SLC5A10: variants seen among roughly 807,000 people sequenced by gnomAD.
SLC5A10 encodes the protein solute carrier family 5 member 10.
In SLC5A10, 55 loss-of-function variants were observed where a neutral mutation model predicts 68.9. The observed-to-expected ratio is 0.80, with a 90% CI of 0.64 to 1.00. The LOEUF (loss-of-function observed/expected upper bound fraction) is 1.00, where lower values mean the gene tolerates loss of function less well. Ranked by LOEUF, SLC5A10 falls within the 50% of genes least tolerant of loss-of-function variation. The probability of loss-of-function intolerance (pLI) is 0.00; values close to 1 mark genes in which losing one functional copy is unlikely to be tolerated. For synonymous variants in SLC5A10, 344 were observed against 344.8 expected (o/e 1.00, Z 0.02); for missense variants, 732 against 819.3 (o/e 0.89, Z 1.30).
chr17:18,956,475 T>TG, intron 1 of SLC5A10, among the ~76,000 whole-genome samples: 1 of 144,844 alleles, frequency 6.9e-6, no homozygotes, highest in African/African-American at 2.5e-5. Context: ...GTTTTTTTTT[T>TG]TTTTTTTTTT....
At chr17:18,955,432 A>T (rs968491410) in intron 1 of SLC5A10, among the ~76,000 whole-genome samples, 1 of 152,198 alleles carries the variant, frequency 6.6e-6, no homozygotes, top group Non-Finnish European at 1.5e-5. Context: ...CTCCACACAG[A>T]TCAAGAAGTT....
rs148178887 is a variant in SLC5A10 at position 18,959,238 on chromosome 17, A to T, written c.287A>T (p.Asn96Ile). The T allele has an allele frequency of 3.1e-3, 4,940 of 1,613,052 alleles. 11 individuals are homozygous for T. Among genetic ancestry groups the T allele is most frequent in the Middle Eastern group, 0.011 (66 of 5,836 alleles). ...GGLAVAGFEW[N>I]ATYVLLALAW... The stretch of plus-strand genomic sequence containing the variant: ...CTGGCCGTGGCAGGCTTCGAGTGGA[A>T]TGTGAGTCCTGGAGGACTGGCGGCC... Residue 96 changes from asparagine (N) to isoleucine (I), a missense_variant and splice_region_variant, in exon 3 of 15, where the codon AAT (asparagine) becomes ATT (isoleucine). Coordinates refer to ENST00000395645, the MANE Select transcript of SLC5A10 (RefSeq NM_001042450.4).
intron 9 of SLC5A10, among the ~76,000 whole-genome samples, chr17:19,010,017 G>A (rs933865845): frequency 2.6e-5 from 4 of 152,180 alleles, no homozygotes; most frequent in Admixed American, 2.6e-4. Flanking sequence ...AGAAGTCTGG[G>A]TGAAATTAGT....
At chr17:18,986,641 G>T (rs1228129658) in intron 9 of SLC5A10, among the ~76,000 whole-genome samples, 1 of 152,230 alleles carries the variant, frequency 6.6e-6, no homozygotes, top group South Asian at 2.1e-4. Flanking sequence ...GGGCTTCTCT[G>T]CTGAGAAGGG....
At chr17:19,008,505 T>A (rs2152147574) in intron 9 of SLC5A10, among the ~76,000 whole-genome samples, 1 of 151,744 alleles carries the variant, frequency 6.6e-6, no homozygotes, top group Admixed American at 6.6e-5. Flanking sequence ...TCACAGATTT[T>A]TTTTTTTTTT....
At chr17:18,987,450 G>A (rs1437909837) in intron 9 of SLC5A10, among the ~76,000 whole-genome samples, 1 of 152,226 alleles carries the variant, frequency 6.6e-6, no homozygotes, top group African/African-American at 2.4e-5. Flanking sequence ...TCAGGGAAAT[G>A]CTCTGCACGC....
chr17:19,018,524 C>T lies in SLC5A10; in HGVS notation c.1242-899C>T, dbSNP rs1053366875. ...TGGGCAGGCACCAGGTCCCACTCAT[C>T]GCCGAGTTGGGGATCCTAGGGTAGT... On this transcript the variant is annotated intron_variant, in intron 11 of 14. Coordinates refer to ENST00000395645, the MANE Select transcript of SLC5A10 (RefSeq NM_001042450.4). This position sits in a 1 kb window ranked among gnomAD's most constrained non-coding sequence, Gnocchi z 4.2. 4 of 152,336 alleles carry T rather than the reference C, an allele frequency of 2.6e-5. No individual in the cohort carries two copies. Among genetic ancestry groups the T allele is most frequent in the Non-Finnish European group, 5.9e-5 (4 of 68,104 alleles). The allele number at this position is 152,336 out of a possible 1,614,324, so 9.4% of individuals were successfully genotyped here.
chr17:19,021,190 G>A lies in SLC5A10; in HGVS notation c.*759G>A, dbSNP rs1285530620. On this transcript the variant is annotated 3_prime_UTR_variant, in exon 15 of 15. Coordinates refer to ENST00000395645, the MANE Select transcript of SLC5A10 (RefSeq NM_001042450.4). This position sits in a 1 kb window ranked among gnomAD's most constrained non-coding sequence, Gnocchi z 4.1. ...TTCTCAGCCTCCTGAGAGCTCTGCTGGGCCCCGGTCTGGGCAGAACCTGGG... is the reference window on the plus strand; with the variant it reads ...TTCTCAGCCTCCTGAGAGCTCTGCTAGGCCCCGGTCTGGGCAGAACCTGGG... The A allele has an allele frequency of 6.6e-6, 1 of 152,334 alleles. No individual in the cohort carries two copies. The highest frequency in any genetic ancestry group is 1.5e-5 in the Non-Finnish European group (1 of 68,128). 9.4% of individuals were successfully genotyped at this position (152,334 alleles called of 1,614,324 possible). A position where few individuals can be genotyped will look rare whatever the true frequency, so the allele number is the denominator to read the frequency against.
At chr17:19,020,009 T>C in intron 13 of SLC5A10, 81 bp downstream of exon 13, 1 of 1,474,722 alleles carries the variant, frequency 6.8e-7, no homozygotes, top group Non-Finnish European at 9.3e-7. Flanking sequence ...CCACTCTGAC[T>C]CAGAATTTTC....
At chr17:18,964,525 G>T (rs966801749) in intron 5 of SLC5A10, among the ~76,000 whole-genome samples, 2 of 152,238 alleles carry the variant, frequency 1.3e-5, no homozygotes, top group Non-Finnish European at 2.9e-5. Context: ...TAGACAGGGG[G>T]TAAGGAAACA....
At chr17:18,984,138 C>A (rs1029826626) in intron 9 of SLC5A10, among the ~76,000 whole-genome samples, 3 of 151,972 alleles carry the variant, frequency 2.0e-5, no homozygotes, top group African/African-American at 7.3e-5. Context: ...GTCAGCAGAT[C>A]GAGACCATCC....
intron 9 of SLC5A10, among the ~76,000 whole-genome samples, chr17:19,010,746 G>T (rs1316941890): frequency 6.6e-6 from 1 of 152,206 alleles, no homozygotes; most frequent in Non-Finnish European, 1.5e-5. Flanking sequence ...GAGCCCATCA[G>T]CAGTGGCTCA....
Position 18,968,702 on chromosome 17 carries a change from A to C in SLC5A10, c.454-350A>C. 1 of 265,670 alleles carries C rather than the reference A, an allele frequency of 3.8e-6. No individual in the cohort carries two copies. Among genetic ancestry groups the C allele is most frequent in the South Asian group, 7.1e-5 (1 of 14,142 alleles). 16.5% of individuals were successfully genotyped at this position (265,670 alleles called of 1,614,324 possible). A position where few individuals can be genotyped will look rare whatever the true frequency, so the allele number is the denominator to read the frequency against. ...ACTGGTCTTCACAGACTCCTCACAA[A>C]CTCATCAAGGTGCCCCTGGGAACCG... is the stretch of plus-strand genomic sequence containing the variant. On this transcript the variant is annotated intron_variant, in intron 5 of 14. Coordinates refer to ENST00000395645, the MANE Select transcript of SLC5A10 (RefSeq NM_001042450.4). This position sits in a 1 kb window ranked among gnomAD's most constrained non-coding sequence, Gnocchi z 4.1.
intron 5 of SLC5A10, among the ~76,000 whole-genome samples, chr17:18,966,982 T>G (rs968708967): frequency 2.0e-5 from 3 of 151,990 alleles, no homozygotes; most frequent in African/African-American, 7.2e-5. Context: ...GGGGATGAAG[T>G]GGCCTGCTCA....
chr17:18,950,705 T>A (rs968455705), upstream of SLC5A10: 22 of 985,278 alleles, frequency 2.2e-5, no homozygotes, highest in Non-Finnish European at 2.7e-5. Context: ...CTATTAATTG[T>A]TTTTTGTTGT....
Position 19,003,017 on chromosome 17 carries a change from G to C in SLC5A10, c.983-10393G>C, listed in dbSNP as rs896880420. ...GAGGGTGTGCAATCTGCTCCCAGTTGCTCAGCACAGCTAGGAAACAGGCAG... is the reference window on the plus strand; with the variant it reads ...GAGGGTGTGCAATCTGCTCCCAGTTCCTCAGCACAGCTAGGAAACAGGCAG... On this transcript the variant is annotated intron_variant, in intron 9 of 14. Transcript: ENST00000395645. The surrounding 1 kb of genome is among the most constrained non-coding windows in gnomAD (Gnocchi z 4.5). Among the ~76,000 whole-genome samples the C allele has an allele frequency of 6.6e-5, 10 of 152,226 alleles. No homozygotes were observed. The highest frequency in any genetic ancestry group is 3.4e-3 in the Middle Eastern group (1 of 294).
At chr17:19,014,566 C>A (rs569788428) in intron 10 of SLC5A10, among the ~76,000 whole-genome samples, 7 of 152,342 alleles carry the variant, frequency 4.6e-5, no homozygotes, top group Non-Finnish European at 1.0e-4. Flanking sequence ...AGGCCCCGCC[C>A]AAGCCTTCCT....
At chr17:18,978,541 C>A (rs761010779) in intron 9 of SLC5A10, 1 of 1,613,314 alleles carries the variant, frequency 6.2e-7, no homozygotes, top group Non-Finnish European at 8.5e-7. Context: ...GGCCTTTCAG[C>A]CCCAGGGGCT....
chr17:18,988,773 T>C (rs2043334455), intron 9 of SLC5A10, among the ~76,000 whole-genome samples: 1 of 152,226 alleles, frequency 6.6e-6, no homozygotes, highest in Admixed American at 6.5e-5. Context: ...GGGCATCCCC[T>C]ACATTCCTGG....
Sources: gnomAD v4.1 joint callset for allele counts (sites outside exome capture counted in the v4.1 genomes callset) on GRCh38, gnomAD v4.1.1 for gene constraint, Gnocchi (gnomAD v3.1) non-coding constraint, MANE v1.5 for transcripts, NCBI Gene and HGNC (gene_info 2026-07-23, HGNC 2026-07-21) for gene names.